The following GRM1 variants were observed in gnomAD, a reference collection of about 807,000 sequenced individuals.
GRM1 encodes the protein glutamate metabotropic receptor 1, also known as metabotropic glutamate receptor 1.
A neutral mutation model predicts 90.9 loss-of-function variants in GRM1; 33 were observed. That is an observed-to-expected ratio of 0.36 (90% CI 0.28 to 0.49). The LOEUF is 0.49. Among genes scored for constraint, GRM1 ranks in the 20% least tolerant of loss-of-function variants. GRM1 has a pLI of 0.99. For synonymous variants in GRM1, 700 were observed against 613.2 expected, an observed-to-expected ratio of 1.14 and a Z score of -2.09; for missense variants, 1,190 against 1,534.3, an observed-to-expected ratio of 0.78 and a Z score of 3.75.
At chr6:146,166,615 C>A (rs905061763) in intron 2 of GRM1, among the ~76,000 whole-genome samples, 1 of 152,060 alleles carries the variant, frequency 6.6e-6, no homozygotes, top group Non-Finnish European at 1.5e-5. Context: ...ACTGACCTGC[C>A]CTCTGAAAAC....
At chr6:146,213,684 T>TTAGATAGATAGATAGATAGATAGA (rs750265154) in intron 2 of GRM1, among the ~76,000 whole-genome samples, 2 of 146,316 alleles carry the variant, frequency 1.4e-5, no homozygotes, top group Non-Finnish European at 3.0e-5. Flanking sequence ...GATGGAAAGA[T>TTAGATAGATAGATAGATAGATAGA]TAGATAGATA....
At chr6:146,105,174 G>A (rs1208241642) in intron 1 of GRM1, among the ~76,000 whole-genome samples, 1 of 152,164 alleles carries the variant, frequency 6.6e-6, no homozygotes, top group Non-Finnish European at 1.5e-5. Context: ...TGTGACTTTT[G>A]ATGAGAAGTT....
chr6:146,035,628 A>G (rs2128837915), intron 1 of GRM1, among the ~76,000 whole-genome samples: 1 of 152,022 alleles, frequency 6.6e-6, no homozygotes, highest in Non-Finnish European at 1.5e-5. Context: ...TTTAATGGAC[A>G]TTTTCCTTGA....
intron 7 of GRM1, among the ~76,000 whole-genome samples, chr6:146,428,226 A>AT (rs898460535): frequency 6.6e-6 from 1 of 151,942 alleles, no homozygotes; most frequent in Admixed American, 6.6e-5. Flanking sequence ...TTCCTGTTAA[A>AT]TTTTTTTTTA....
intron 1 of GRM1, among the ~76,000 whole-genome samples, chr6:146,133,278 AAT>A (rs1481420884): frequency 1.3e-5 from 2 of 152,250 alleles, no homozygotes; most frequent in African/African-American, 4.8e-5. Context: ...CTGGATTCCT[AAT>A]TTTGGGCTTC....
At chr6:146,034,628 G>T (rs1008060722) in intron 1 of GRM1, among the ~76,000 whole-genome samples, 8 of 151,866 alleles carry the variant, frequency 5.3e-5, no homozygotes, top group African/African-American at 1.7e-4. Flanking sequence ...CCAGCTTTGT[G>T]TCTCCAGGAT....
intron 5 of GRM1, among the ~76,000 whole-genome samples, chr6:146,370,325 T>G (rs749942533): frequency 4.1e-4 from 63 of 152,066 alleles, no homozygotes; most frequent in Non-Finnish European, 8.5e-4. Flanking sequence ...TTTTCCAGAA[T>G]GACAGCTCCT....
At chr6:146,264,105 C>A (rs1333828210) in intron 2 of GRM1, among the ~76,000 whole-genome samples, 1 of 152,032 alleles carries the variant, frequency 6.6e-6, no homozygotes, top group African/African-American at 2.4e-5. Context: ...ATAAAAATCA[C>A]CGTCTTGGAA....
chr6:146,379,212 A>T (rs1291949004), intron 5 of GRM1, among the ~76,000 whole-genome samples: 5 of 151,996 alleles, frequency 3.3e-5, no homozygotes, highest in African/African-American at 9.7e-5. Flanking sequence ...TAATCCTTAG[A>T]TTTGCCCATT....
At chr6:146,390,457 T>C (rs1193074125) in intron 6 of GRM1, among the ~76,000 whole-genome samples, 1 of 152,022 alleles carries the variant, frequency 6.6e-6, no homozygotes, top group Admixed American at 6.6e-5. Flanking sequence ...TTTTCTACCA[T>C]GATATACAGC....
At chr6:146,353,536 G>A (rs942224243) in intron 4 of GRM1, among the ~76,000 whole-genome samples, 1 of 152,174 alleles carries the variant, frequency 6.6e-6, no homozygotes, top group Non-Finnish European at 1.5e-5. Context: ...GATTGCAAGC[G>A]GTGGAGGCAA....
Position 146,030,326 on chromosome 6 carries a change from G to A in GRM1, c.700+109G>A, listed in dbSNP as rs943056043. 3.9e-5 allele frequency: 33 copies of A among 840,764 alleles called. No homozygotes were observed. In the East Asian group the frequency reaches 7.9e-4, roughly 20 times the overall value. The allele number at this position is 840,764 out of a possible 1,614,324, so 52.1% of individuals were successfully genotyped here. A position where few individuals can be genotyped will look rare whatever the true frequency, so the allele number is the denominator to read the frequency against. On this transcript the variant is annotated intron_variant, in intron 1 of 7. Transcript: ENST00000282753. ...GTTTATTTCTAGCACTGTGGGGAAC[G>A]GAGTTTACCCTTCTCAGTACTGCCC...
At chr6:146,083,012 T>C (rs539018342) in intron 1 of GRM1, among the ~76,000 whole-genome samples, 51 of 152,186 alleles carry the variant, frequency 3.4e-4, no homozygotes, top group African/African-American at 1.2e-3. Context: ...TGAATGGGAG[T>C]CCACTCATGA....
At chr6:146,034,364 C>T (rs961130258) in intron 1 of GRM1, among the ~76,000 whole-genome samples, 3 of 151,970 alleles carry the variant, frequency 2.0e-5, no homozygotes, top group Non-Finnish European at 4.4e-5. Context: ...TCATTTTTTA[C>T]TTCCCTTACC....
chr6:146,396,100 CT>C (rs1776921964), intron 6 of GRM1, among the ~76,000 whole-genome samples: 4 of 151,882 alleles, frequency 2.6e-5, no homozygotes, highest in African/African-American at 9.7e-5. Flanking sequence ...ATCTATCTAT[CT>C]ATCGTCTATA....
chr6:146,333,526 A>C (rs1190201114), intron 3 of GRM1, among the ~76,000 whole-genome samples: 1 of 152,130 alleles, frequency 6.6e-6, no homozygotes, highest in African/African-American at 2.4e-5. Flanking sequence ...TATAATTTCT[A>C]CCAGCAAGTG....
chr6:146,309,142 T>C (rs1190418916), intron 3 of GRM1, among the ~76,000 whole-genome samples: 3 of 152,166 alleles, frequency 2.0e-5, no homozygotes, highest in Non-Finnish European at 4.4e-5. Context: ...CTCATGCCTG[T>C]AATCTCAGTG....
intron 5 of GRM1, among the ~76,000 whole-genome samples, chr6:146,369,356 C>T (rs1775814231): frequency 6.6e-6 from 1 of 151,608 alleles, no homozygotes; most frequent in Non-Finnish European, 1.5e-5. Context: ...TTTTCTTCTA[C>T]TAATTGGGGG....
chr6:146,133,850 C>A (rs1226558913), intron 1 of GRM1, among the ~76,000 whole-genome samples: 2 of 152,170 alleles, frequency 1.3e-5, no homozygotes, highest in Non-Finnish European at 2.9e-5. Flanking sequence ...TAATGGGTTA[C>A]CTCTCCTAGG....
Sources: gnomAD v4.1 joint callset for allele counts (sites outside exome capture counted in the v4.1 genomes callset) on GRCh38, gnomAD v4.1.1 for gene constraint, MANE v1.5 for transcripts, NCBI Gene and HGNC (gene_info 2026-07-23, HGNC 2026-07-21) for gene names.